Variants in MAP2K1 observed in about 807,000 individuals in gnomAD.
MAP2K1 encodes the protein dual specificity mitogen-activated protein kinase kinase 1.
Under a neutral mutation model 46.3 loss-of-function variants are expected in MAP2K1, and 16 were observed. The observed-to-expected ratio is 0.35, with a 90% CI of 0.23 to 0.52. The LOEUF (loss-of-function observed/expected upper bound fraction) is 0.52, where lower values mean the gene tolerates loss of function less well. MAP2K1 is among the 20% of genes least tolerant of loss of function. MAP2K1 has a pLI of 0.94. For missense variants in MAP2K1, 263 were observed against 497.1 expected (o/e 0.53, Z 4.48); for synonymous variants, 183 against 185.6 (o/e 0.99, Z 0.11).
chr15:66,391,665 G>A (rs1737068433), intron 1 of MAP2K1, among the ~76,000 whole-genome samples: 1 of 152,208 alleles, frequency 6.6e-6, no homozygotes, highest in East Asian at 1.9e-4. Flanking sequence ...GTCAGTGAGT[G>A]AATGAAATTT....
At chr15:66,465,861 G>C (rs879412622) in intron 5 of MAP2K1, among the ~76,000 whole-genome samples, 3 of 152,130 alleles carry the variant, frequency 2.0e-5, no homozygotes, top group Non-Finnish European at 4.4e-5. Context: ...TTTTCACATA[G>C]GCTTTTAAAA....
intron 5 of MAP2K1, among the ~76,000 whole-genome samples, chr15:66,462,761 A>C (rs1892359501): frequency 6.6e-6 from 1 of 152,142 alleles, no homozygotes; most frequent in Non-Finnish European, 1.5e-5. Flanking sequence ...GCTTTGTTTC[A>C]GTGAGGATTC....
chr15:66,425,007 G>C (rs1267336780), intron 1 of MAP2K1, among the ~76,000 whole-genome samples: 1 of 151,856 alleles, frequency 6.6e-6, no homozygotes, highest in Non-Finnish European at 1.5e-5. Context: ...TGTTCGTCAG[G>C]CTGTTCTCAA....
intron 5 of MAP2K1, among the ~76,000 whole-genome samples, chr15:66,448,152 C>CAAAAAAA (rs67953737): frequency 1.1e-5 from 1 of 86,970 alleles, no homozygotes; most frequent in Non-Finnish European, 2.2e-5. Flanking sequence ...GACTCCATCT[C>CAAAAAAA]AAAAAAAAAA....
At chr15:66,405,902 C>T (rs1227815468) in intron 1 of MAP2K1, among the ~76,000 whole-genome samples, 2 of 152,226 alleles carry the variant, frequency 1.3e-5, no homozygotes, top group African/African-American at 2.4e-5. Flanking sequence ...CTTGCAGCTG[C>T]TAACCATTTG....
chr15:66,483,899 C>T (rs532307200), intron 6 of MAP2K1, among the ~76,000 whole-genome samples: 1 of 152,002 alleles, frequency 6.6e-6, no homozygotes, highest in East Asian at 1.9e-4. Context: ...AGGCGTGTGC[C>T]ACCACGCCCG....
At chr15:66,456,126 T>A (rs1892160617) in intron 5 of MAP2K1, among the ~76,000 whole-genome samples, 1 of 152,184 alleles carries the variant, frequency 6.6e-6, no homozygotes, top group Non-Finnish European at 1.5e-5. Flanking sequence ...TGTAAAATAT[T>A]TATAGAATAC....
At chr15:66,390,777 G>A (rs1018378053) in intron 1 of MAP2K1, among the ~76,000 whole-genome samples, 4 of 152,034 alleles carry the variant, frequency 2.6e-5, no homozygotes, top group Non-Finnish European at 4.4e-5. Flanking sequence ...TGATCTGCCT[G>A]TTGTCCCCAC....
chr15:66,433,115 T>A (rs2093479072), intron 1 of MAP2K1, among the ~76,000 whole-genome samples: 1 of 152,114 alleles, frequency 6.6e-6, no homozygotes, highest in Non-Finnish European at 1.5e-5. Flanking sequence ...TGTTTCTAAA[T>A]GTGGTCCTCA....
chr15:66,420,219 G>C (rs964858386), intron 1 of MAP2K1, among the ~76,000 whole-genome samples: 8 of 152,056 alleles, frequency 5.3e-5, no homozygotes, highest in Non-Finnish European at 1.2e-4. Context: ...ACTTCAGCCT[G>C]GGTGACAGAG....
At position 66,399,580 on chromosome 15, in the gene MAP2K1, C is replaced by T. The variant is rs571479530; in HGVS notation, c.80+12153C>T. Reference sequence around the variant, plus strand: ...ATCCCTCCCCAGAGCCTCCACTTCCCAGTACCCGGGACTATAGGCACGTGC... The same window carrying T: ...ATCCCTCCCCAGAGCCTCCACTTCCTAGTACCCGGGACTATAGGCACGTGC... On this transcript the variant is annotated intron_variant, in intron 1 of 10. Coordinates refer to ENST00000307102, the MANE Select transcript of MAP2K1 (RefSeq NM_002755.4). Among the ~76,000 whole-genome samples, 4 of 152,228 alleles carry T rather than the reference C, an allele frequency of 2.6e-5. No homozygotes were observed. In the South Asian group the frequency reaches 8.3e-4, roughly 32 times the overall value.
chr15:66,444,816 C>A, intron 5 of MAP2K1, 109 bp downstream of exon 5: 1 of 898,902 alleles, frequency 1.1e-6, no homozygotes, highest in Non-Finnish European at 1.8e-6. Context: ...CTTTTAATAA[C>A]ATGTTAAATC....
At chr15:66,465,343 G>T (rs1478230993) in intron 5 of MAP2K1, among the ~76,000 whole-genome samples, 1 of 152,132 alleles carries the variant, frequency 6.6e-6, no homozygotes, top group Non-Finnish European at 1.5e-5. Flanking sequence ...ACTCTAAGGG[G>T]GTCCACGTGA....
At chr15:66,489,418 T>C in intron 9 of MAP2K1, 142 bp downstream of exon 9, 1 of 829,418 alleles carries the variant, frequency 1.2e-6, no homozygotes, top group Non-Finnish European at 2.1e-6. Flanking sequence ...GCTGCTGCCA[T>C]AAGCCCTTTT....
intron 1 of MAP2K1, among the ~76,000 whole-genome samples, chr15:66,420,831 GTATATATATGTGTGTA>G (rs2093438541): frequency 9.6e-6 from 1 of 104,152 alleles, no homozygotes; most frequent in Admixed American, 1.0e-4. Flanking sequence ...ATATATATGT[GTATATATATGTGTGTA>G]TATATATGTG....
At chr15:66,397,114 C>G (rs1025393788) in intron 1 of MAP2K1, among the ~76,000 whole-genome samples, 2 of 150,104 alleles carry the variant, frequency 1.3e-5, no homozygotes, top group Non-Finnish European at 2.9e-5. Context: ...ACGCCATTCT[C>G]CTGCCTCAGC....
chr15:66,431,461 T>G (rs1045653406), intron 1 of MAP2K1, among the ~76,000 whole-genome samples: 1 of 152,016 alleles, frequency 6.6e-6, no homozygotes, highest in Non-Finnish European at 1.5e-5. Context: ...AAAAAAAAAA[T>G]TGAGTATTTT....
At chr15:66,418,389 C>G (rs1052023501) in intron 1 of MAP2K1, among the ~76,000 whole-genome samples, 4 of 152,164 alleles carry the variant, frequency 2.6e-5, no homozygotes, top group Non-Finnish European at 5.9e-5. Flanking sequence ...AACTGCATTC[C>G]TGATTGATAG....
intron 1 of MAP2K1, among the ~76,000 whole-genome samples, chr15:66,403,291 A>T (rs1019901451): frequency 3.9e-5 from 6 of 152,132 alleles, no homozygotes; most frequent in Admixed American, 6.6e-5. Context: ...ATTTTCAAGT[A>T]ATTATCTGAA....
Sources: gnomAD v4.1 joint callset for allele counts (sites outside exome capture counted in the v4.1 genomes callset) on GRCh38, gnomAD v4.1.1 for gene constraint, MANE v1.5 for transcripts, NCBI Gene and HGNC (gene_info 2026-07-23, HGNC 2026-07-21) for gene names.